TTC21A: variants seen among roughly 807,000 people sequenced by gnomAD.
TTC21A encodes the protein tetratricopeptide repeat protein 21A.
TTC21A carries 128 observed loss-of-function variants against 156.4 expected under a neutral mutation model. The observed-to-expected ratio is 0.82, with a 90% CI of 0.71 to 0.95. TTC21A has a LOEUF of 0.95. Among genes scored for constraint, TTC21A ranks in the 40% least tolerant of loss-of-function variants. TTC21A has a pLI of 0.00. For missense variants in TTC21A, 1,435 were observed against 1,602.3 expected, an observed-to-expected ratio of 0.90 and a Z score of 1.78; for synonymous variants, 587 against 617.1, an observed-to-expected ratio of 0.95 and a Z score of 0.72.
At chr3:39,125,009 C>T (rs1401463468) in intron 9 of TTC21A, 54 bp from the exon 10 acceptor site, 1 of 1,157,490 alleles carries the variant, frequency 8.6e-7, no homozygotes, top group Admixed American at 1.7e-5. Context: ...ACCTGATGGG[C>T]TGCTGGCTAT....
At chr3:39,118,007 C>G (rs1033657808) in intron 6 of TTC21A, 62 bp from the exon 7 acceptor site, 7 of 1,232,672 alleles carry the variant, frequency 5.7e-6, no homozygotes, top group Non-Finnish European at 7.2e-6. Context: ...AAGTCGCCAA[C>G]ACACCATCCC....
rs752032124 is a variant in TTC21A at position 39,119,942 on chromosome 3, T to A, written c.822T>A (p.Asn274Lys). Residue 274 changes from asparagine to lysine, a missense_variant, in exon 8 of 29, where the codon AAT (asparagine) becomes AAA (lysine). Transcript: ENST00000683103. ...TGCAGGCTACCAATCACGTTAGAAA[T>A]CTGATTAAGGCACTAGAGACAAGGG... ...NMTTATNHVR[N>K]LIKALETREP... The A allele has an allele frequency of 1.9e-6, 3 of 1,607,970 alleles. No homozygotes were observed. The highest frequency in any genetic ancestry group is 2.6e-6 in the Non-Finnish European group (3 of 1,175,350).
chr3:39,112,696 A>C, intron 5 of TTC21A, 116 bp downstream of exon 5: 1 of 1,473,828 alleles, frequency 6.8e-7, no homozygotes, highest in South Asian at 1.4e-5. Context: ...CATCTCGTAG[A>C]TAAAGAGCAG....
At chr3:39,120,265 G>T (rs1280558973) in intron 8 of TTC21A, among the ~76,000 whole-genome samples, 1 of 152,184 alleles carries the variant, frequency 6.6e-6, no homozygotes, top group African/African-American at 2.4e-5. Context: ...GGGAGACGGG[G>T]TCTGAAAGTG....
In TTC21A at chr3:39,114,698, C is replaced by T; in HGVS notation, c.672C>T (p.Phe224=). Residue 224 remains phenylalanine (F), a synonymous_variant, in exon 6 of 29, where the codon TTC becomes TTT. Transcript: ENST00000683103. ...CCCTCGTCCTGAAGATGCAGCTGTT[C>T]TTAGCTCGGCAGGACTGGGAGCAGA... is the stretch of plus-strand genomic sequence containing the variant. ...LPALVLKMQL[F]LARQDWEQTV... 3 of 1,614,230 alleles carry T rather than the reference C, an allele frequency of 1.9e-6. No homozygotes were observed. The highest frequency in any genetic ancestry group is 2.5e-6 in the Non-Finnish European group (3 of 1,180,040).
chr3:39,138,212 A>G (rs746344830), intron 26 of TTC21A, 55 bp from the exon 27 acceptor site: 2 of 1,610,308 alleles, frequency 1.2e-6, no homozygotes, highest in East Asian at 2.2e-5. Context: ...ACCCTGGCCC[A>G]GGGAACCAGT....
chr3:39,121,583 G>C (rs1327457319), intron 9 of TTC21A, among the ~76,000 whole-genome samples: 1 of 152,202 alleles, frequency 6.6e-6, no homozygotes, highest in Non-Finnish European at 1.5e-5. Flanking sequence ...CCCTCCTTCA[G>C]GGCTCTGAGC....
At chr3:39,125,206 T>C in intron 10 of TTC21A, 46 bp downstream of exon 10, 1 of 1,547,076 alleles carries the variant, frequency 6.5e-7, no homozygotes, top group Non-Finnish European at 8.9e-7. Flanking sequence ...TGATGTCCTC[T>C]GCTGTCCTCC....
Position 39,134,376 on chromosome 3 carries a change from C to A in TTC21A, c.2862+48C>A. On this transcript the variant is annotated intron_variant, in intron 21 of 28. Transcript: ENST00000683103. This position sits in a 1 kb window ranked among gnomAD's most constrained non-coding sequence, Gnocchi z 4.6. ...TCCCTCCCCTCCCTTCCTCCCTTCCCAGGGTCCCTGTGACCAGATGCAGGC... is the reference window on the plus strand; with the variant it reads ...TCCCTCCCCTCCCTTCCTCCCTTCCAAGGGTCCCTGTGACCAGATGCAGGC... 7.3e-7 allele frequency: 1 copy of A among 1,371,996 alleles called. No individual in the cohort carries two copies. The highest frequency in any genetic ancestry group is 1.0e-6 in the Non-Finnish European group (1 of 959,262). 85.0% of individuals were successfully genotyped at this position (1,371,996 alleles called of 1,614,324 possible).
intron 7 of TTC21A, 57 bp from the exon 8 acceptor site, chr3:39,119,865 C>T (rs2037609013): frequency 4.8e-6 from 6 of 1,242,300 alleles, no homozygotes; most frequent in Non-Finnish European, 4.7e-6. Flanking sequence ...TTGAGAACCA[C>T]GGCGCAACTC....
In TTC21A at chr3:39,136,342, T is replaced by G. The variant is rs752026424; in HGVS notation, c.2945-15T>G. ...CTGGGCATTTCAGCCTGGAGATTTC[T>G]GTCTCTTATTTTAGACAATTTTTTG... On this transcript the variant is annotated splice_polypyrimidine_tract_variant and intron_variant, in intron 22 of 28. Transcript: ENST00000683103. The G allele has an allele frequency of 6.8e-6, 11 of 1,607,218 alleles. No homozygotes were observed. Among genetic ancestry groups the G allele is most frequent in the Admixed American group, 1.7e-5 (1 of 59,418 alleles).
intron 9 of TTC21A, among the ~76,000 whole-genome samples, chr3:39,124,431 G>A (rs2038034620): frequency 6.6e-6 from 1 of 152,062 alleles, no homozygotes; most frequent in African/African-American, 2.4e-5. Context: ...AGGCTAAGGT[G>A]AGTGGATCAC....
Position 39,129,077 on chromosome 3 carries a change from G to A in TTC21A, c.1902G>A (p.Glu634=), listed in dbSNP as rs761034117. 2.9e-5 allele frequency: 46 copies of A among 1,614,002 alleles called. No homozygotes were observed. Among genetic ancestry groups the A allele is most frequent in the Non-Finnish European group, 8.5e-7 (1 of 1,179,968 alleles). Residue 634 remains glutamate (E), a synonymous_variant, in exon 15 of 29, where the codon GAG becomes GAA. Coordinates refer to ENST00000683103, the MANE Select transcript of TTC21A (RefSeq NM_001366900.1). Reference sequence around the variant, plus strand: ...GTTTGATTCCCATGTTTTAGCATGAGGCCACCAAGGTCATGCAGGACACCA... The same window carrying A: ...GTTTGATTCCCATGTTTTAGCATGAAGCCACCAAGGTCATGCAGGACACCA... ...EALRLNGELH[E]ATKVMQDTIN... is the part of the protein sequence containing the mutation.
Position 39,119,960 on chromosome 3 carries a change from G to A in TTC21A, c.840G>A (p.Glu280=), listed in dbSNP as rs768113503. The A allele has an allele frequency of 4.0e-5, 64 of 1,610,094 alleles. No individual in the cohort carries two copies. Among genetic ancestry groups the A allele is most frequent in the Non-Finnish European group, 5.4e-5 (63 of 1,176,998 alleles). Residue 280 remains glutamate, a synonymous_variant, in exon 8 of 29, where the codon GAG becomes GAA. Transcript: ENST00000683103. ...NHVRNLIKAL[E]TREPENPSLH... ...TTAGAAATCTGATTAAGGCACTAGA[G>A]ACAAGGGAACCCGAAAATCCAAGCC...
rs1575516909 is a variant in TTC21A, at chr3:39,119,804, G to A, written c.802-118G>A. The A allele has an allele frequency of 4.3e-6, 3 of 704,888 alleles. 1 individual carries two copies. In the South Asian group the frequency reaches 5.4e-5, roughly 13 times the overall value. 43.7% of individuals were successfully genotyped at this position (704,888 alleles called of 1,614,324 possible). A position where few individuals can be genotyped will look rare whatever the true frequency, so the allele number is the denominator to read the frequency against. ...TCTGAATTTCTGGGGGGTTGTGCCT[G>A]GGCATGGGCATTTTTTAAATCTCCC... On this transcript the variant is annotated intron_variant, in intron 7 of 28. Coordinates refer to ENST00000683103, the MANE Select transcript of TTC21A (RefSeq NM_001366900.1).
At chr3:39,113,373 C>T (rs35008320) in intron 5 of TTC21A, among the ~76,000 whole-genome samples, 19,753 of 152,196 alleles carry the variant, frequency 0.13, 1,380 homozygotes, top group African/African-American at 0.17. Context: ...AAAGAGAAGG[C>T]GGGCTGTGAA....
chr3:39,131,852 C>T (rs113785194), intron 19 of TTC21A, among the ~76,000 whole-genome samples: 1 of 152,264 alleles, frequency 6.6e-6, no homozygotes, highest in African/African-American at 2.4e-5. Context: ...GGGCAGATCC[C>T]TCATGATCCA....
intron 9 of TTC21A, among the ~76,000 whole-genome samples, chr3:39,121,610 A>G (rs1008758520): frequency 6.6e-6 from 1 of 152,238 alleles, no homozygotes; most frequent in Non-Finnish European, 1.5e-5. Flanking sequence ...ACCACCAAAA[A>G]GAGTAGCTCT....
chr3:39,130,888 C>T lies in TTC21A; in HGVS notation c.2458+49C>T, dbSNP rs772069757. On this transcript the variant is annotated intron_variant, in intron 18 of 28. Coordinates refer to ENST00000683103, the MANE Select transcript of TTC21A (RefSeq NM_001366900.1). The surrounding 1 kb of genome is among the most constrained non-coding windows in gnomAD (Gnocchi z 4.5). ...TCTAGCATTTGGAGCAGACATACTC[C>T]TCCCCCATTCCCCATTAGCTGAAGT... 2 of 1,611,036 alleles carry T rather than the reference C, an allele frequency of 1.2e-6. No individual in the cohort carries two copies. Among genetic ancestry groups the T allele is most frequent in the South Asian group, 2.2e-5 (2 of 90,794 alleles).
Sources: allele counts gnomAD v4.1 joint callset (sites outside exome capture counted in the v4.1 genomes callset), GRCh38; gene constraint gnomAD v4.1.1; non-coding constraint Gnocchi (gnomAD v3.1); transcripts MANE v1.5; gene names NCBI Gene and HGNC (gene_info 2026-07-23, HGNC 2026-07-21).